TJP2: variants seen among roughly 807,000 people sequenced by gnomAD.
The protein encoded by TJP2 is Friedreich ataxia region gene X104 (tight junction protein ZO-2).
TJP2 carries 91 observed loss-of-function variants against 133.1 expected under a neutral mutation model. The observed-to-expected ratio is 0.68, with a 90% CI of 0.58 to 0.81. The LOEUF (loss-of-function observed/expected upper bound fraction) is 0.81, where lower values mean the gene tolerates loss of function less well. TJP2 is among the 40% of genes least tolerant of loss of function. The pLI is 0.00. For missense variants in TJP2, 1,541 were observed against 1,565.6 expected (o/e 0.98, Z 0.26); for synonymous variants, 592 against 583.4 (o/e 1.01, Z -0.21).
At chr9:69,233,443 C>G (rs1415869036) in intron 11 of TJP2, among the ~76,000 whole-genome samples, 1 of 152,086 alleles carries the variant, frequency 6.6e-6, no homozygotes, top group Admixed American at 6.5e-5. Flanking sequence ...TTGCATTTTA[C>G]TTATTTATAA....
In TJP2 at chr9:69,252,865, G is replaced by T; in HGVS notation, c.3372G>T (p.Thr1124=). 6.2e-7 allele frequency: 1 copy of T among 1,614,110 alleles called. No homozygotes were observed. The highest frequency in any genetic ancestry group is 8.5e-7 in the Non-Finnish European group (1 of 1,180,022). ...HPDIYAVPIK[T]HKPDPGTPQH... ...ATATCTATGCAGTTCCAATCAAAAC[G>T]CACAAGCCAGACCCTGGCACGCCCC... Residue 1124 remains threonine, a synonymous_variant, in exon 22 of 23, where the codon ACG becomes ACT. Transcript: ENST00000377245.
intron 2 of TJP2, among the ~76,000 whole-genome samples, chr9:69,213,055 ATTTTTTTTTT>A (rs551659577): frequency 2.7e-4 from 21 of 76,546 alleles, no homozygotes; most frequent in African/African-American, 4.3e-4. Flanking sequence ...GTGGTTCTGC[ATTTTTTTTTT>A]TTTTTTTTTT....
rs17852440 is a variant in TJP2 at position 69,234,543 on chromosome 9, C to T, written c.1776C>T (p.Ala592=). The T allele has an allele frequency of 2.7e-5, 34 of 1,248,258 alleles. No individual in the cohort carries two copies. Among genetic ancestry groups the T allele is most frequent in the African/African-American group, 3.7e-5 (2 of 54,416 alleles). The allele number at this position is 1,248,258 out of a possible 1,614,324, so 77.3% of individuals were successfully genotyped here. A position where few individuals can be genotyped will look rare whatever the true frequency, so the allele number is the denominator to read the frequency against. The part of the protein sequence containing the change: ...EMVTILAQSR[A]DVYRDILACG... The stretch of plus-strand genomic sequence containing the variant: ...TGACCATTTTAGCTCAGAGCCGAGC[C>T]GATGGTGAGCAAATTTGGTCATTTA... Residue 592 remains alanine, a synonymous_variant, in exon 12 of 23, where the codon GCC becomes GCT. Transcript: ENST00000377245.
intron 1 of TJP2, among the ~76,000 whole-genome samples, chr9:69,202,221 C>T (rs1039263263): frequency 2.0e-5 from 3 of 152,158 alleles, no homozygotes; most frequent in African/African-American, 7.2e-5. Context: ...TGTATCCTTA[C>T]ATGACAGAAG....
chr9:69,194,096 T>TTTTCAAAGTATCAATTTAC (rs1826387199), intron 1 of TJP2, among the ~76,000 whole-genome samples: 1 of 152,200 alleles, frequency 6.6e-6, no homozygotes, highest in Non-Finnish European at 1.5e-5. Context: ...TAAATCAGTA[T>TTTTCAAAGTATCAATTTAC]TTTCAAAGTA....
rs1250037131 is a variant in TJP2 at position 69,248,032 on chromosome 9, C to A, written c.2688C>A (p.Asp896Glu). ...TCTAGATGGAAGGGATGGATGATGA[C>A]CCCGAAGACCGCATGTCCTACTTAA... Reference protein sequence around the residue: ...SEGKMEGMDDDPEDRMSYLTA... With the variant: ...SEGKMEGMDDEPEDRMSYLTA... Residue 896 changes from aspartate to glutamate, a missense_variant, in exon 19 of 23, where the codon GAC (aspartate) becomes GAA (glutamate). Coordinates refer to ENST00000377245, the MANE Select transcript of TJP2 (RefSeq NM_004817.4). The A allele has an allele frequency of 6.2e-7, 1 of 1,609,704 alleles. No homozygotes were observed. Among genetic ancestry groups the A allele is most frequent in the Non-Finnish European group, 8.5e-7 (1 of 1,177,060 alleles).
intron 1 of TJP2, among the ~76,000 whole-genome samples, chr9:69,138,318 T>C (rs1822864372): frequency 6.6e-6 from 1 of 152,180 alleles, no homozygotes; most frequent in Admixed American, 6.6e-5. Flanking sequence ...AGACATTGGC[T>C]TATCTTGAGG....
At chr9:69,232,950 T>C (rs1173988064) in intron 11 of TJP2, among the ~76,000 whole-genome samples, 1 of 152,212 alleles carries the variant, frequency 6.6e-6, no homozygotes, top group Non-Finnish European at 1.5e-5. Context: ...ACTGAAGGAC[T>C]CCCAAGGTCC....
At chr9:69,141,644 T>C (rs1823022902) in intron 1 of TJP2, among the ~76,000 whole-genome samples, 1 of 152,002 alleles carries the variant, frequency 6.6e-6, no homozygotes, top group African/African-American at 2.4e-5. Flanking sequence ...CAGGCTGGAG[T>C]GTAGTGTCAT....
chr9:69,127,915 CTTT>C (rs533707557), intron 1 of TJP2, among the ~76,000 whole-genome samples: 1 of 66,214 alleles, frequency 1.5e-5, no homozygotes. Context: ...GTATCTGTTC[CTTT>C]TTTTTTTTTG....
intron 1 of TJP2, among the ~76,000 whole-genome samples, chr9:69,188,643 C>T (rs1306832865): frequency 1.3e-5 from 2 of 152,144 alleles, no homozygotes; most frequent in East Asian, 1.9e-4. Context: ...TCATCAGAGA[C>T]CTCTGTGTGT....
intron 1 of TJP2, among the ~76,000 whole-genome samples, chr9:69,149,700 A>G (rs1353097921): frequency 6.6e-6 from 1 of 152,180 alleles, no homozygotes; most frequent in African/African-American, 2.4e-5. Context: ...CACAAGCTCA[A>G]CCCAGAAAGG....
intron 1 of TJP2, among the ~76,000 whole-genome samples, chr9:69,191,109 A>G (rs1191179483): frequency 6.9e-6 from 1 of 144,758 alleles, no homozygotes; most frequent in Non-Finnish European, 1.5e-5. Context: ...AGCAAAAAGG[A>G]AAAAGGGTTG....
chr9:69,148,612 C>T (rs554618105), intron 1 of TJP2, among the ~76,000 whole-genome samples: 23 of 151,214 alleles, frequency 1.5e-4, no homozygotes, highest in African/African-American at 5.6e-4. Flanking sequence ...CCAAGTGATC[C>T]ACCCGCCTCG....
At chr9:69,187,344 C>T (rs1021821531) in intron 1 of TJP2, among the ~76,000 whole-genome samples, 2 of 152,158 alleles carry the variant, frequency 1.3e-5, no homozygotes, top group African/African-American at 4.8e-5. Flanking sequence ...CCTGAAAAAA[C>T]AGCTGTAACA....
At chr9:69,238,220 A>C (rs191180380) in intron 15 of TJP2, among the ~76,000 whole-genome samples, 1 of 152,306 alleles carries the variant, frequency 6.6e-6, no homozygotes, top group African/African-American at 2.4e-5. Context: ...ACTTGTGTGA[A>C]TCTCCTAAGA....
At chr9:69,254,042 C>T (rs1242853658) in intron 22 of TJP2, 167 bp from the exon 23 acceptor site, 8 of 794,516 alleles carry the variant, frequency 1.0e-5, no homozygotes, top group East Asian at 5.0e-5. Flanking sequence ...TGACCTATTA[C>T]GAACCTGGAG....
chr9:69,182,788 CTTTTTTTT>C (rs35602682), intron 1 of TJP2, among the ~76,000 whole-genome samples: 1 of 129,424 alleles, frequency 7.7e-6, no homozygotes, highest in Non-Finnish European at 1.6e-5. Context: ...TGATGAATTT[CTTTTTTTT>C]TTTTTTTTTG....
At chr9:69,204,867 TAAAAG>T in intron 1 of TJP2, 1 of 1,162,374 alleles carries the variant, frequency 8.6e-7, no homozygotes, top group Non-Finnish European at 1.1e-6. Flanking sequence ...TTTATGTGCT[TAAAAG>T]AAATATCTAC....
Sources: gnomAD v4.1 joint callset for allele counts (sites outside exome capture counted in the v4.1 genomes callset) on GRCh38, gnomAD v4.1.1 for gene constraint, MANE v1.5 for transcripts, NCBI Gene and HGNC (gene_info 2026-07-23, HGNC 2026-07-21) for gene names.